The following MGA variants were observed in gnomAD, a reference collection of about 807,000 sequenced individuals.
The protein encoded by MGA is MAX gene-associated protein.
A neutral mutation model predicts 261.1 loss-of-function variants in MGA; 40 were observed. The observed-to-expected ratio is 0.15, with a 90% CI of 0.12 to 0.20. The LOEUF (loss-of-function observed/expected upper bound fraction) is 0.20. Among genes scored for constraint, MGA ranks in the 10% least tolerant of loss-of-function variants. The probability of loss-of-function intolerance (pLI) is 1.00; values close to 1 mark genes in which losing one functional copy is unlikely to be tolerated. For missense variants in MGA, 3,397 were observed against 3,630.5 expected, an observed-to-expected ratio of 0.94 and a Z score of 1.65; for synonymous variants, 1,302 against 1,290.6, an observed-to-expected ratio of 1.01 and a Z score of -0.19.
chr15:41,712,295 C>T (rs1285532536), intron 8 of MGA, among the ~76,000 whole-genome samples: 1 of 152,068 alleles, frequency 6.6e-6, no homozygotes, highest in Non-Finnish European at 1.5e-5. Context: ...AGTTTAGTGG[C>T]GTGATCACAG....
Position 41,766,941 on chromosome 15 carries a change from C to A in MGA, c.8859C>A (p.Gly2953=). Residue 2953 remains glycine (G), a synonymous_variant, in exon 24 of 24, where the codon GGC becomes GGA. Coordinates refer to ENST00000219905, the MANE Select transcript of MGA (RefSeq NM_001164273.2). ...TTGATGGAGGGAAGAATACTTCTGGCCTCCCTGCAGAGCCCGAAAGTGTGT... is the reference window on the plus strand; with the variant it reads ...TTGATGGAGGGAAGAATACTTCTGGACTCCCTGCAGAGCCCGAAAGTGTGT... The A allele has an allele frequency of 6.2e-7, 1 of 1,613,992 alleles. No individual in the cohort carries two copies. Among genetic ancestry groups the A allele is most frequent in the Non-Finnish European group, 8.5e-7 (1 of 1,179,880 alleles).
intron 2 of MGA, among the ~76,000 whole-genome samples, chr15:41,694,143 C>T (rs35033220): frequency 0.15 from 22,292 of 151,958 alleles, 2,573 homozygotes; most frequent in East Asian, 0.68. Flanking sequence ...CTGGGCCGGG[C>T]GTGGTGGCTC....
In MGA at chr15:41,724,748, G is replaced by A. The variant is rs2061136881; in HGVS notation, c.3431-2432G>A. On this transcript the variant is annotated intron_variant, in intron 9 of 23. Transcript: ENST00000219905. ...TTATAAAGGAGCTAAATTTTAAAAG[G>A]TAGTTGACAGAGACTGCAGCTGGCT... Among the ~76,000 whole-genome samples the A allele has an allele frequency of 4.6e-5, 7 of 152,234 alleles. No homozygotes were observed. In the South Asian group the frequency reaches 1.2e-3, roughly 27 times the overall value.
intron 1 of MGA, among the ~76,000 whole-genome samples, chr15:41,653,729 GAAAA>G (rs971965208): frequency 8.0e-5 from 11 of 137,862 alleles, no homozygotes; most frequent in African/African-American, 1.6e-4. Flanking sequence ...AAAAAAAAAA[GAAAA>G]AAAAAACCCT....
intron 9 of MGA, among the ~76,000 whole-genome samples, chr15:41,724,320 T>C (rs2061111564): frequency 6.6e-6 from 1 of 152,202 alleles, no homozygotes; most frequent in African/African-American, 2.4e-5. Context: ...TTCTCTTAAG[T>C]ACCTAACCAT....
In MGA at chr15:41,749,535, C is replaced by T; in HGVS notation, c.5928C>T (p.Asp1976=). Residue 1976 remains aspartate (D), a synonymous_variant, in exon 17 of 24, where the codon GAC becomes GAT. Coordinates refer to ENST00000219905, the MANE Select transcript of MGA (RefSeq NM_001164273.2). ...TGAAGAGAGAATCTCAGAATCCAGA[C>T]CAGAAAGATGAAACAAACTCAATAA... 1 of 1,613,836 alleles carries T rather than the reference C, an allele frequency of 6.2e-7. No homozygotes were observed. The highest frequency in any genetic ancestry group is 1.1e-5 in the South Asian group (1 of 91,084).
chr15:41,702,951 C>G (rs2059924536), intron 5 of MGA, among the ~76,000 whole-genome samples: 1 of 151,880 alleles, frequency 6.6e-6, no homozygotes, highest in Non-Finnish European at 1.5e-5. Flanking sequence ...TTTTTCCCCC[C>G]ATTCCTAATT....
intron 1 of MGA, among the ~76,000 whole-genome samples, chr15:41,668,574 A>T (rs2057891232): frequency 1.3e-5 from 2 of 152,150 alleles, no homozygotes; most frequent in Non-Finnish European, 2.9e-5. Flanking sequence ...TATAGTATTT[A>T]TAGTGAATTG....
chr15:41,681,882 TA>T (rs764589546), intron 2 of MGA, among the ~76,000 whole-genome samples: 3 of 152,180 alleles, frequency 2.0e-5, no homozygotes, highest in Non-Finnish European at 2.9e-5. Context: ...AATATATTTG[TA>T]GTTTATATGT....
At chr15:41,671,569 T>G (rs967750461) in intron 2 of MGA, among the ~76,000 whole-genome samples, 2 of 152,068 alleles carry the variant, frequency 1.3e-5, no homozygotes, top group Admixed American at 6.5e-5. Context: ...CCTCAGGTGA[T>G]CCACCCGCCT....
intron 2 of MGA, among the ~76,000 whole-genome samples, chr15:41,690,874 G>A (rs1371219769): frequency 6.6e-6 from 1 of 151,878 alleles, no homozygotes; most frequent in East Asian, 1.9e-4. Context: ...GTGGGACCTT[G>A]TCTCAAAACC....
At position 41,669,771 on chromosome 15, in the gene MGA, C is replaced by T. The variant is rs1306489330; in HGVS notation, c.877C>T (p.Arg293Cys). The T allele has an allele frequency of 1.9e-6, 3 of 1,613,766 alleles. No individual in the cohort carries two copies. The highest frequency in any genetic ancestry group is 1.3e-5 in the African/African-American group (1 of 74,896). Residue 293 changes from arginine to cysteine, a missense_variant, in exon 2 of 24, where the codon CGT (arginine) becomes TGT (cysteine). Transcript: ENST00000219905. ...TTCCAGTTCTTCTGGTCATCGGGTCCGTCTTACAGAAGGTCAGGGGTCAGA... is the reference window on the plus strand; with the variant it reads ...TTCCAGTTCTTCTGGTCATCGGGTCTGTCTTACAGAAGGTCAGGGGTCAGA...
chr15:41,727,374 C>T lies in MGA; in HGVS notation c.3625C>T (p.Pro1209Ser). The change falls in exon 10 of 24, where the codon CCA becomes TCA. Residue 1209 changes from proline to serine, a missense_variant. By Grantham distance (74) the Pro-to-Ser change is moderately conservative (BLOSUM62 -1). This residue lies in a region of MGA where 519 missense variants were observed against 554.1 expected (regional missense o/e 0.94). Transcript: ENST00000219905. The stretch of plus-strand genomic sequence containing the variant: ...CAAACTGCTCACTGGAATTAAATCT[C>T]CACGGTCATATACTCCCAAACCCAA... 4 of 1,613,904 alleles carry T rather than the reference C, an allele frequency of 2.5e-6. No individual in the cohort carries two copies. Among genetic ancestry groups the T allele is most frequent in the Non-Finnish European group, 3.4e-6 (4 of 1,179,872 alleles).
At position 41,740,218 on chromosome 15, in the gene MGA, A is replaced by C. The variant is rs2062014077; in HGVS notation, c.4585+15A>C. ...ACGGCCAATTGGTAAGTTGGGGTGT[A>C]TGTATGGTTTGGAAAGGCCTATGAC... is the stretch of plus-strand genomic sequence containing the variant. On this transcript the variant is annotated intron_variant, in intron 14 of 23. Transcript: ENST00000219905. 6.2e-7 allele frequency: 1 copy of C among 1,612,490 alleles called. No homozygotes were observed. Among genetic ancestry groups the C allele is most frequent in the East Asian group, 2.2e-5 (1 of 44,872 alleles).
chr15:41,657,576 G>A (rs1482344218), upstream of MGA, among the ~76,000 whole-genome samples: 1 of 151,270 alleles, frequency 6.6e-6, no homozygotes, highest in Non-Finnish European at 1.5e-5. Flanking sequence ...GACTGGTCTT[G>A]AACCCCTGAC....
At chr15:41,730,169 C>CA (rs2061438578) in intron 11 of MGA, among the ~76,000 whole-genome samples, 1 of 152,026 alleles carries the variant, frequency 6.6e-6, no homozygotes, top group Admixed American at 6.5e-5. Flanking sequence ...GCTGGGATTA[C>CA]AGGCGTGAGC....
intron 15 of MGA, among the ~76,000 whole-genome samples, chr15:41,743,480 C>T (rs1567067121): frequency 6.6e-6 from 1 of 152,144 alleles, no homozygotes; most frequent in Non-Finnish European, 1.5e-5. Flanking sequence ...TTTAGTGGAG[C>T]TGGAGATTGC....
At chr15:41,681,746 G>A (rs2058690706) in intron 2 of MGA, among the ~76,000 whole-genome samples, 3 of 151,972 alleles carry the variant, frequency 2.0e-5, no homozygotes, top group Non-Finnish European at 4.4e-5. Context: ...CACCATGCTT[G>A]GCCAAATAAT....
chr15:41,697,029 A>G lies in MGA; in HGVS notation c.2013+6A>G, dbSNP rs377242525. ...TTGTTTCCTTTGAATCAAAGGTAAG[A>G]TTGTAATTTTCAGGATTCTTTAAGG... On this transcript the variant is annotated splice_donor_region_variant and intron_variant, in intron 3 of 23. Coordinates refer to ENST00000219905, the MANE Select transcript of MGA (RefSeq NM_001164273.2). The G allele has an allele frequency of 7.3e-5, 111 of 1,517,530 alleles. No individual in the cohort carries two copies. Among genetic ancestry groups the G allele is most frequent in the Admixed American group, 2.4e-4 (10 of 41,250 alleles). 94.0% of individuals were successfully genotyped at this position (1,517,530 alleles called of 1,614,324 possible). A position where few individuals can be genotyped will look rare whatever the true frequency, so the allele number is the denominator to read the frequency against.
Sources: allele counts gnomAD v4.1 joint callset (sites outside exome capture counted in the v4.1 genomes callset), GRCh38; gene constraint gnomAD v4.1.1; regional missense constraint gnomAD v4.1.1; transcripts MANE v1.5; gene names NCBI Gene and HGNC (gene_info 2026-07-23, HGNC 2026-07-21).